LRP1B: variants seen among roughly 807,000 people sequenced by gnomAD.
LRP1B encodes low-density lipoprotein receptor-related protein 1B.
Under a neutral mutation model 556.6 loss-of-function variants are expected in LRP1B, and 217 were observed. That is an observed-to-expected ratio of 0.39 (90% CI 0.35 to 0.44). The LOEUF (loss-of-function observed/expected upper bound fraction) is 0.44, where lower values mean the gene tolerates loss of function less well. LRP1B is among the 20% of genes least tolerant of loss of function. The pLI is 1.00. For missense variants in LRP1B, 5,053 were observed against 5,620.8 expected (o/e 0.90, Z 3.23); for synonymous variants, 2,047 against 1,865.8 (o/e 1.10, Z -2.50).
chr2:141,668,345 G>A (rs1690523410), intron 2 of LRP1B, among the ~76,000 whole-genome samples: 1 of 152,174 alleles, frequency 6.6e-6, no homozygotes, highest in African/African-American at 2.4e-5. Context: ...AATGGGAACA[G>A]GTCCTAAATG....
At position 141,524,301 on chromosome 2, in the gene LRP1B, T is replaced by C. The variant is rs531724672; in HGVS notation, c.206-43768A>G. Among the ~76,000 whole-genome samples the C allele has an allele frequency of 2.6e-5, 4 of 151,322 alleles. No individual in the cohort carries two copies. The East Asian group carries it at 7.8e-4, about 29-fold the overall frequency. On this transcript the variant is annotated intron_variant, in intron 2 of 90. Coordinates refer to ENST00000389484, the MANE Select transcript of LRP1B (RefSeq NM_018557.3). ...ATATAAAACTCAATGCCTAAGAACA[T>C]GTTATGTTGCCTTTCTTAAGTGAGC...
At chr2:141,186,762 A>C (rs926184638) in intron 7 of LRP1B, among the ~76,000 whole-genome samples, 28 of 152,078 alleles carry the variant, frequency 1.8e-4, no homozygotes, top group African/African-American at 6.5e-4. Context: ...TGGTTCTTTC[A>C]TACAATGACA....
chr2:141,254,331 T>C (rs944141564), intron 4 of LRP1B, among the ~76,000 whole-genome samples, 191 bp downstream of exon 4: 3 of 152,036 alleles, frequency 2.0e-5, no homozygotes, highest in African/African-American at 7.2e-5. Context: ...TGCAAAAAAA[T>C]TGAAATTTGA....
In LRP1B at chr2:141,607,495, C is replaced by T. The variant is rs137890423; in HGVS notation, c.206-126962G>A. On this transcript the variant is annotated intron_variant, in intron 2 of 90. Coordinates refer to ENST00000389484, the MANE Select transcript of LRP1B (RefSeq NM_018557.3). Reference sequence around the variant, plus strand: ...ATTTTCTTAGTGATCAGTCTCCACCCTACCCCATCCCCTCATCTTATTTTC... The same window carrying T: ...ATTTTCTTAGTGATCAGTCTCCACCTTACCCCATCCCCTCATCTTATTTTC... Among the ~76,000 whole-genome samples, 558 of 152,330 alleles carry T rather than the reference C, an allele frequency of 3.7e-3. 1 individual carries two copies. Among genetic ancestry groups the T allele is most frequent in the African/African-American group, 0.013 (531 of 41,586 alleles).
chr2:141,097,735 A>G (rs1452197124), intron 7 of LRP1B, among the ~76,000 whole-genome samples: 2 of 152,160 alleles, frequency 1.3e-5, no homozygotes, highest in African/African-American at 2.4e-5. Context: ...CATAAAATGG[A>G]TATGTTTTCA....
At chr2:140,778,414 C>G (rs1384898622) in intron 32 of LRP1B, among the ~76,000 whole-genome samples, 5 of 152,122 alleles carry the variant, frequency 3.3e-5, no homozygotes, top group Non-Finnish European at 7.4e-5. Flanking sequence ...GAAAACTTCT[C>G]TCAATACCGT....
intron 64 of LRP1B, 26 bp downstream of exon 64, chr2:140,444,537 C>A (rs1208901558): frequency 3.1e-6 from 5 of 1,611,336 alleles, no homozygotes; most frequent in Non-Finnish European, 3.4e-6. Context: ...GACTTATGTT[C>A]ATTAGTTAGG....
chr2:141,327,420 T>A lies in LRP1B; in HGVS notation c.344-72779A>T, dbSNP rs73965009. On this transcript the variant is annotated intron_variant, in intron 3 of 90. Coordinates refer to ENST00000389484, the MANE Select transcript of LRP1B (RefSeq NM_018557.3). ...TGACAAATAAACAGGGATAAAATAGTATTTACTGCTCAAAAGAGCTCTTTG... is the reference window on the plus strand; with the variant it reads ...TGACAAATAAACAGGGATAAAATAGAATTTACTGCTCAAAAGAGCTCTTTG... Among the ~76,000 whole-genome samples the A allele has an allele frequency of 3.3e-3, 497 of 152,200 alleles. 2 individuals are homozygous for A. The highest frequency in any genetic ancestry group is 0.011 in the African/African-American group (474 of 41,552).
chr2:141,404,026 C>G (rs1009593495), intron 3 of LRP1B, among the ~76,000 whole-genome samples: 1 of 152,100 alleles, frequency 6.6e-6, no homozygotes, highest in Admixed American at 6.5e-5. Context: ...CTATGAGGTA[C>G]TCTACACAGT....
chr2:140,538,563 A>ATG (rs1680015638), intron 45 of LRP1B, among the ~76,000 whole-genome samples: 1 of 117,848 alleles, frequency 8.5e-6, no homozygotes, highest in Non-Finnish European at 2.0e-5. Context: ...TTCCAAAGAT[A>ATG]TATTTCTTTT....
At chr2:140,526,822 A>C (rs1424887700) in intron 47 of LRP1B, among the ~76,000 whole-genome samples, 1 of 151,770 alleles carries the variant, frequency 6.6e-6, no homozygotes, top group African/African-American at 2.4e-5. Context: ...CTGGTTGCCA[A>C]GAAGTAAAGC....
chr2:141,687,774 A>G (rs979862038), intron 2 of LRP1B, among the ~76,000 whole-genome samples: 4 of 151,950 alleles, frequency 2.6e-5, no homozygotes, highest in Non-Finnish European at 4.4e-5. Context: ...AGTCTGAAAT[A>G]ATCAATTCTA....
chr2:140,895,533 C>T (rs1183675651), intron 23 of LRP1B, among the ~76,000 whole-genome samples: 2 of 152,062 alleles, frequency 1.3e-5, no homozygotes, highest in Non-Finnish European at 2.9e-5. Flanking sequence ...CTCCGTGTGG[C>T]CCCTAGAGCC....
At position 141,113,134 on chromosome 2, in the gene LRP1B, T is replaced by A. The variant is rs557418830; in HGVS notation, c.1014-50861A>T. Among the ~76,000 whole-genome samples the A allele has an allele frequency of 5.3e-5, 8 of 152,324 alleles. No homozygotes were observed. In the East Asian group the frequency reaches 1.2e-3, roughly 22 times the overall value. On this transcript the variant is annotated intron_variant, in intron 7 of 90. Coordinates refer to ENST00000389484, the MANE Select transcript of LRP1B (RefSeq NM_018557.3). ...AAGAAACAAACACATAAAACTAACT[T>A]TTAATTTTCTCCATTTCACATTTAA...
At chr2:140,449,912 G>C (rs1378438552) in intron 63 of LRP1B, among the ~76,000 whole-genome samples, 1 of 152,142 alleles carries the variant, frequency 6.6e-6, no homozygotes, top group East Asian at 1.9e-4. Context: ...GACCTATGGA[G>C]TGAAGTACAA....
chr2:140,481,616 T>TATTATTATC (rs1185298937), intron 59 of LRP1B, among the ~76,000 whole-genome samples: 9 of 134,186 alleles, frequency 6.7e-5, no homozygotes, highest in African/African-American at 2.0e-4. Flanking sequence ...TTATTATTAT[T>TATTATTATC]ATTATTTGGG....
chr2:141,153,753 T>C (rs1205851801), intron 7 of LRP1B, among the ~76,000 whole-genome samples: 2 of 150,692 alleles, frequency 1.3e-5, no homozygotes, highest in African/African-American at 4.9e-5. Flanking sequence ...TTCAAGATGC[T>C]GTTTGTATTG....
At chr2:142,041,456 G>A (rs1704062758) in intron 1 of LRP1B, among the ~76,000 whole-genome samples, 1 of 151,464 alleles carries the variant, frequency 6.6e-6, no homozygotes, top group East Asian at 1.9e-4. Context: ...TTTAAAAAGG[G>A]CAATAATTTT....
At chr2:140,701,984 T>C in intron 39 of LRP1B, 139 bp from the exon 40 acceptor site, 1 of 1,310,808 alleles carries the variant, frequency 7.6e-7, no homozygotes. Context: ...ATGCTTCAGC[T>C]TGGAATAGCA....
Sources: gnomAD v4.1 joint callset for allele counts (sites outside exome capture counted in the v4.1 genomes callset) on GRCh38, gnomAD v4.1.1 for gene constraint, MANE v1.5 for transcripts, NCBI Gene and HGNC (gene_info 2026-07-23, HGNC 2026-07-21) for gene names.